The following BAZ2B variants were observed in gnomAD, a reference collection of about 807,000 sequenced individuals.
BAZ2B encodes the protein bromodomain adjacent to zinc finger domain protein 2B.
Under a neutral mutation model 246.0 loss-of-function variants are expected in BAZ2B, and 91 were observed. The observed-to-expected ratio is 0.37, with a 90% CI of 0.31 to 0.44. BAZ2B has a LOEUF of 0.44. Among genes scored for constraint, BAZ2B ranks in the 20% least tolerant of loss-of-function variants. The pLI is 1.00. For missense variants in BAZ2B, 2,332 were observed against 2,533.7 expected, an observed-to-expected ratio of 0.92 and a Z score of 1.71; for synonymous variants, 855 against 860.0, an observed-to-expected ratio of 0.99 and a Z score of 0.10.
chr2:159,334,898 T>C (rs2065367020), intron 33 of BAZ2B, among the ~76,000 whole-genome samples: 1 of 152,166 alleles, frequency 6.6e-6, no homozygotes, highest in South Asian at 2.1e-4. Flanking sequence ...TAGGACTTAA[T>C]CTTTTTTTTT....
chr2:159,562,233 G>C (rs1020346673), intron 1 of BAZ2B, among the ~76,000 whole-genome samples: 2 of 152,052 alleles, frequency 1.3e-5, no homozygotes, highest in African/African-American at 4.8e-5. Context: ...AATTCCCATA[G>C]GTTGAATCAC....
rs34940040 is a variant in BAZ2B at position 159,577,358 on chromosome 2, C to T, written c.-45-21493G>A. ...TATATTTACAGGGAAGAGCATTTAC[C>T]ACGTTAAAGAGGTTAGCTCCAAATA... is the stretch of plus-strand genomic sequence containing the variant. On this transcript the variant is annotated intron_variant, in intron 1 of 36. Transcript: ENST00000392783. Among the ~76,000 whole-genome samples, 904 of 152,162 alleles carry T rather than the reference C, an allele frequency of 5.9e-3. 4 individuals carry two copies. Among genetic ancestry groups the T allele is most frequent in the Middle Eastern group, 0.024 (7 of 294 alleles).
intron 1 of BAZ2B, among the ~76,000 whole-genome samples, chr2:159,615,012 G>C (rs1162914140): frequency 1.3e-5 from 2 of 152,070 alleles, no homozygotes; most frequent in Non-Finnish European, 2.9e-5. Flanking sequence ...CGAAACGCTT[G>C]TTGTTTAGAG....
intron 3 of BAZ2B, among the ~76,000 whole-genome samples, chr2:159,472,091 CA>C (rs1353432984): frequency 2.0e-5 from 3 of 152,254 alleles, no homozygotes; most frequent in East Asian, 3.9e-4. Context: ...TTTTAGTGAG[CA>C]TGGAATGTTT....
At chr2:159,651,330 T>G in the BAZ2B span, among the ~76,000 whole-genome samples, 1 of 152,320 alleles carries the variant, frequency 6.6e-6, no homozygotes, top group East Asian at 1.9e-4. Context: ...AGTTTCTCTC[T>G]TTTTCAAGGA....
the BAZ2B span, among the ~76,000 whole-genome samples, chr2:159,622,289 A>AAAAAAAAGGC: frequency 3.4e-5 from 4 of 116,578 alleles, no homozygotes; most frequent in Admixed American, 1.1e-4. Context: ...AAAAAGGCAA[A>AAAAAAAAGGC]AACCAAAGTG....
At chr2:159,389,675 A>C (rs1006173711) in intron 20 of BAZ2B, among the ~76,000 whole-genome samples, 190 bp from the exon 21 acceptor site, 6 of 152,152 alleles carry the variant, frequency 3.9e-5, no homozygotes, top group Non-Finnish European at 8.8e-5. Context: ...TGTTATTCAA[A>C]ATTTGTTCAA....
At chr2:159,456,205 T>C (rs2075755059) in intron 3 of BAZ2B, among the ~76,000 whole-genome samples, 1 of 152,076 alleles carries the variant, frequency 6.6e-6, no homozygotes, top group Non-Finnish European at 1.5e-5. Context: ...TAGAAACTGA[T>C]AGAAACACTT....
chr2:159,672,263 C>T, the BAZ2B span, among the ~76,000 whole-genome samples: 1 of 152,136 alleles, frequency 6.6e-6, no homozygotes, highest in East Asian at 1.9e-4. Context: ...GAAGAGGAAG[C>T]GGTGTTAACA....
chr2:159,348,415 G>A (rs971037192), intron 30 of BAZ2B, among the ~76,000 whole-genome samples: 2 of 144,548 alleles, frequency 1.4e-5, no homozygotes, highest in Non-Finnish European at 3.0e-5. Context: ...GTTACTTATA[G>A]TACCTGAGAC....
In BAZ2B at chr2:159,439,081, ATCT is replaced by A. The variant is rs564292204; in HGVS notation, c.825_827del (p.Glu275del). The A allele has an allele frequency of 3.7e-5, 60 of 1,613,556 alleles. No individual in the cohort carries two copies. The highest frequency in any genetic ancestry group is 1.6e-4 in the Middle Eastern group (1 of 6,080). Reference sequence around the variant, plus strand: ...CATCTTCACTTTCTTCAATACTTTGATCTTCTTCTTCTTCATCTTCTTCTAGAT... The same window carrying A: ...CATCTTCACTTTCTTCAATACTTTGATCTTCTTCTTCATCTTCTTCTAGAT... On this transcript the variant is annotated inframe_deletion, in exon 7 of 37. Coordinates refer to ENST00000392783, the MANE Select transcript of BAZ2B (RefSeq NM_013450.4).
At chr2:159,661,376 C>T in the BAZ2B span, among the ~76,000 whole-genome samples, 1 of 152,080 alleles carries the variant, frequency 6.6e-6, no homozygotes, top group Non-Finnish European at 1.5e-5. Context: ...AATTTGGGGG[C>T]TATTACAAAT....
chr2:159,401,479 A>G (rs570653805), intron 16 of BAZ2B, among the ~76,000 whole-genome samples: 1 of 152,340 alleles, frequency 6.6e-6, no homozygotes, highest in South Asian at 2.1e-4. Context: ...CACAATTGTA[A>G]CATTATTATT....
intron 13 of BAZ2B, among the ~76,000 whole-genome samples, chr2:159,420,480 T>A (rs1229695417): frequency 6.6e-6 from 1 of 152,182 alleles, no homozygotes; most frequent in East Asian, 1.9e-4. Context: ...TTCAATTTTA[T>A]GCTTTTTTTG....
chr2:159,353,036 T>C (rs567296836), intron 27 of BAZ2B, among the ~76,000 whole-genome samples: 1 of 152,344 alleles, frequency 6.6e-6, no homozygotes, highest in South Asian at 2.1e-4. Context: ...AGGATGAATT[T>C]AATTCTTTCA....
the BAZ2B span, among the ~76,000 whole-genome samples, chr2:159,658,364 C>T: frequency 2.0e-5 from 3 of 152,038 alleles, no homozygotes; most frequent in Admixed American, 6.6e-5. Context: ...GACTGGGTCT[C>T]GCTGTGTCAC....
the BAZ2B span, among the ~76,000 whole-genome samples, chr2:159,681,601 G>A: frequency 2.0e-5 from 3 of 152,194 alleles, no homozygotes; most frequent in Non-Finnish European, 4.4e-5. Context: ...TATACAGTCA[G>A]GGTTCCAGCA....
intron 27 of BAZ2B, among the ~76,000 whole-genome samples, chr2:159,358,224 A>G (rs1248108809): frequency 6.6e-6 from 1 of 152,244 alleles, no homozygotes; most frequent in East Asian, 1.9e-4. Context: ...GATGCATCTC[A>G]CATGCAAAGA....
chr2:159,640,242 A>G, the BAZ2B span, among the ~76,000 whole-genome samples: 1 of 152,158 alleles, frequency 6.6e-6, no homozygotes, highest in South Asian at 2.1e-4. Flanking sequence ...ATAGATTCCA[A>G]TACGATAATA....
Sources: allele counts gnomAD v4.1 joint callset (sites outside exome capture counted in the v4.1 genomes callset), GRCh38; gene constraint gnomAD v4.1.1; transcripts MANE v1.5; gene names NCBI Gene and HGNC (gene_info 2026-07-23, HGNC 2026-07-21).